FHIT: variants seen among roughly 807,000 people sequenced by gnomAD.
FHIT encodes bis(5'-adenosyl)-triphosphatase.
Under a neutral mutation model 17.9 loss-of-function variants are expected in FHIT, and 19 were observed. The ratio of observed to expected loss-of-function variants is 1.06; its 90% confidence interval spans 0.74 to 1.56. The LOEUF (loss-of-function observed/expected upper bound fraction) is 1.56. Ranked by LOEUF, FHIT falls within the 40% of genes most tolerant of loss-of-function variation. FHIT has a pLI of 0.00. For missense variants in FHIT, 248 were observed against 189.2 expected, an observed-to-expected ratio of 1.31 and a Z score of -1.82; for synonymous variants, 81 against 69.7, an observed-to-expected ratio of 1.16 and a Z score of -0.81.
intron 4 of FHIT, among the ~76,000 whole-genome samples, chr3:60,807,878 A>T (rs868936689): frequency 2.6e-5 from 4 of 152,178 alleles, no homozygotes; most frequent in African/African-American, 9.6e-5. Context: ...AAAGAGGCTA[A>T]GATAAAGAAA....
chr3:60,838,015 G>C (rs1471179948), intron 3 of FHIT, among the ~76,000 whole-genome samples: 1 of 152,150 alleles, frequency 6.6e-6, no homozygotes, highest in Non-Finnish European at 1.5e-5. Context: ...GAGCTCTCAA[G>C]AGTACAAATG....
chr3:60,261,336 A>G (rs532064664), intron 5 of FHIT, among the ~76,000 whole-genome samples: 2 of 152,126 alleles, frequency 1.3e-5, no homozygotes, highest in Non-Finnish European at 2.9e-5. Flanking sequence ...CATATATATC[A>G]TATTACATCC....
At chr3:60,455,081 A>G (rs1002721931) in intron 5 of FHIT, among the ~76,000 whole-genome samples, 2 of 152,134 alleles carry the variant, frequency 1.3e-5, no homozygotes, top group African/African-American at 4.8e-5. Flanking sequence ...TTTAAAAAAC[A>G]ATACTCAAAT....
At chr3:61,033,749 T>G (rs1400777124) in intron 3 of FHIT, among the ~76,000 whole-genome samples, 2 of 152,224 alleles carry the variant, frequency 1.3e-5, no homozygotes, top group Non-Finnish European at 1.5e-5. Flanking sequence ...CAGGTCTTTC[T>G]TTTAATAATT....
At chr3:60,853,843 T>G (rs1406625254) in intron 3 of FHIT, among the ~76,000 whole-genome samples, 1 of 152,156 alleles carries the variant, frequency 6.6e-6, no homozygotes, top group African/African-American at 2.4e-5. Context: ...TCAACTGCAA[T>G]GTATTTAAAT....
chr3:60,206,019 G>A (rs1340197653), intron 5 of FHIT, among the ~76,000 whole-genome samples: 4 of 150,794 alleles, frequency 2.7e-5, no homozygotes, highest in African/African-American at 9.7e-5. Context: ...TATAGTCCCA[G>A]CTACTGGGAA....
chr3:60,173,915 A>ATATATATATATATTTTTTTTTTTTTTT, intron 5 of FHIT, among the ~76,000 whole-genome samples: 1 of 66,444 alleles, frequency 1.5e-5, no homozygotes, highest in Non-Finnish European at 2.8e-5. Flanking sequence ...ATATATATAT[A>ATATATATATATATTTTTTTTTTTTTTT]TGTTTTTTTT....
chr3:60,447,101 G>C (rs113288886), intron 5 of FHIT, among the ~76,000 whole-genome samples: 2 of 151,918 alleles, frequency 1.3e-5, no homozygotes, highest in South Asian at 4.1e-4. Context: ...CCAAAACCCA[G>C]CAAATTCCCT....
rs77052598 is a variant in FHIT, at chr3:60,399,738, G to T, written c.103+137122C>A. ...ACAAAGTAGGACACCATTTTCAACA[G>T]CTGTGTGGGTGATTATAATCACCTT... On this transcript the variant is annotated intron_variant, in intron 5 of 9. Transcript: ENST00000492590. Among the ~76,000 whole-genome samples, 6 of 152,216 alleles carry T rather than the reference G, an allele frequency of 3.9e-5. No individual in the cohort carries two copies. The East Asian group carries it at 1.2e-3, about 29-fold the overall frequency.
intron 5 of FHIT, among the ~76,000 whole-genome samples, chr3:60,321,669 T>C (rs1177541135): frequency 1.3e-5 from 2 of 152,214 alleles, no homozygotes; most frequent in East Asian, 1.9e-4. Flanking sequence ...ATGATTTCTG[T>C]CTCAGTCTAT....
At chr3:60,076,231 C>T (rs1021437682) in intron 5 of FHIT, among the ~76,000 whole-genome samples, 7 of 152,080 alleles carry the variant, frequency 4.6e-5, no homozygotes, top group Non-Finnish European at 8.8e-5. Flanking sequence ...CATCCACTTT[C>T]TTCTACTTTA....
At chr3:59,976,167 C>T (rs1708401998) in intron 7 of FHIT, among the ~76,000 whole-genome samples, 3 of 152,036 alleles carry the variant, frequency 2.0e-5, no homozygotes. Flanking sequence ...TGGATGCTGT[C>T]TGGGGGGTAA....
intron 4 of FHIT, among the ~76,000 whole-genome samples, chr3:60,592,901 G>A (rs2038134180): frequency 6.6e-6 from 1 of 152,106 alleles, no homozygotes; most frequent in African/African-American, 2.4e-5. Context: ...GATTTACAGT[G>A]GGTTCCTGTG....
intron 3 of FHIT, among the ~76,000 whole-genome samples, chr3:61,021,440 A>G (rs1012349899): frequency 1.9e-4 from 27 of 142,052 alleles, no homozygotes; most frequent in African/African-American, 6.2e-4. Flanking sequence ...TCTACTAAAA[A>G]TACAAAAAAT....
intron 7 of FHIT, among the ~76,000 whole-genome samples, chr3:59,950,978 T>C (rs1707087026): frequency 6.6e-6 from 1 of 152,198 alleles, no homozygotes; most frequent in Non-Finnish European, 1.5e-5. Context: ...TTCATATGGT[T>C]TGGCATAGTA....
rs112000242 is a variant in FHIT, at chr3:60,280,778, A to C, written c.103+256082T>G. On this transcript the variant is annotated intron_variant, in intron 5 of 9. Transcript: ENST00000492590. The stretch of plus-strand genomic sequence containing the variant: ...AGCAAGCTACTGAGAACAAGGCAAG[A>C]TTTTCCCCTGTTAATACTCCTATTC... Among the ~76,000 whole-genome samples, 416 of 152,260 alleles carry C rather than the reference A, an allele frequency of 2.7e-3. 1 individual carries two copies. The highest frequency in any genetic ancestry group is 9.6e-3 in the African/African-American group (398 of 41,552).
chr3:60,485,197 T>C (rs961294547), intron 5 of FHIT, among the ~76,000 whole-genome samples: 1 of 152,198 alleles, frequency 6.6e-6, no homozygotes, highest in Non-Finnish European at 1.5e-5. Flanking sequence ...GCTTTTACAC[T>C]GTTGGTGGGA....
chr3:60,260,352 TAAA>T (rs761494437), intron 5 of FHIT, among the ~76,000 whole-genome samples: 1 of 138,318 alleles, frequency 7.2e-6, no homozygotes, highest in Non-Finnish European at 1.6e-5. Context: ...TGACTAAATT[TAAA>T]AAAAAAAAAA....
chr3:60,639,649 T>C (rs2039677019), intron 4 of FHIT, among the ~76,000 whole-genome samples: 1 of 152,172 alleles, frequency 6.6e-6, no homozygotes, highest in Non-Finnish European at 1.5e-5. Context: ...AATGTTAACA[T>C]ATCTCTGCAA....
Sources: gnomAD v4.1 joint callset for allele counts (sites outside exome capture counted in the v4.1 genomes callset) on GRCh38, gnomAD v4.1.1 for gene constraint, MANE v1.5 for transcripts, NCBI Gene and HGNC (gene_info 2026-07-23, HGNC 2026-07-21) for gene names.